DACH2: variants seen among roughly 807,000 people sequenced by gnomAD.
DACH2 encodes the protein dachshund family transcription factor 2.
Under a neutral mutation model 35.8 loss-of-function variants are expected in DACH2, and 17 were observed. The observed-to-expected ratio is 0.48, with a 90% CI of 0.33 to 0.71. The LOEUF is 0.71. DACH2 is among the 30% of genes least tolerant of loss of function. The pLI, the probability that DACH2 is intolerant of heterozygous loss-of-function variation, is 0.02. For synonymous variants in DACH2, 195 were observed against 177.3 expected (o/e 1.10, Z -0.79); for missense variants, 469 against 472.7 (o/e 0.99, Z 0.07).
chrX:86,551,860 T>A (rs189002792), intron 3 of DACH2, among the ~76,000 whole-genome samples: 45 of 111,870 alleles, frequency 4.0e-4, no homozygotes, highest in Non-Finnish European at 8.3e-4. Flanking sequence ...ACTTTGAAGC[T>A]TTCAATGTAT....
intron 1 of DACH2, among the ~76,000 whole-genome samples, chrX:86,171,227 C>T (rs1401070763): frequency 9.1e-6 from 1 of 109,629 alleles, no homozygotes; most frequent in African/African-American, 3.3e-5. Flanking sequence ...TTCCACTCTT[C>T]CCTCTCCTCT....
intron 3 of DACH2, among the ~76,000 whole-genome samples, chrX:86,599,532 C>G (rs2039762935): frequency 2.0e-5 from 1 of 51,240 alleles, no homozygotes; most frequent in East Asian, 6.0e-4. Context: ...GAGTCTCTCT[C>G]TGTCAACCAG....
intron 3 of DACH2, among the ~76,000 whole-genome samples, chrX:86,566,701 C>A (rs1233833506): frequency 9.4e-6 from 1 of 106,268 alleles, no homozygotes; most frequent in Non-Finnish European, 2.0e-5. Context: ...GCAAACTGTT[C>A]TGTACATGCA....
At chrX:86,201,961 C>T (rs1007812307) in intron 1 of DACH2, among the ~76,000 whole-genome samples, 9 of 111,101 alleles carry the variant, frequency 8.1e-5, no homozygotes, top group East Asian at 2.8e-4. Flanking sequence ...GAATTATAAC[C>T]GCCTTACTTG....
intron 5 of DACH2, among the ~76,000 whole-genome samples, chrX:86,705,354 T>G (rs1245205942): frequency 9.1e-6 from 1 of 109,803 alleles, no homozygotes; most frequent in African/African-American, 3.3e-5. Context: ...ACTTCTTGGA[T>G]GATGGGTGCA....
intron 1 of DACH2, among the ~76,000 whole-genome samples, chrX:86,199,422 A>T (rs1325483984): frequency 9.0e-6 from 1 of 111,601 alleles, no homozygotes. Flanking sequence ...CAGAGCAATC[A>T]GGCAAGAGAA....
At chrX:86,697,248 G>A (rs962403023) in intron 5 of DACH2, among the ~76,000 whole-genome samples, 3 of 111,510 alleles carry the variant, frequency 2.7e-5, no homozygotes, top group Non-Finnish European at 5.6e-5. Flanking sequence ...GGGGATTACA[G>A]CTTAAAGAGC....
At chrX:86,509,671 T>C (rs1211444560) in intron 2 of DACH2, among the ~76,000 whole-genome samples, 1 of 111,992 alleles carries the variant, frequency 8.9e-6, no homozygotes, top group Admixed American at 9.5e-5. Flanking sequence ...TTTTTATTAA[T>C]CCACACAGCA....
At chrX:86,703,594 T>C (rs1035496528) in intron 5 of DACH2, among the ~76,000 whole-genome samples, 1 of 111,848 alleles carries the variant, frequency 8.9e-6, no homozygotes, top group African/African-American at 3.2e-5. Context: ...AAAATCAACA[T>C]ACAAAAAAAT....
At chrX:86,177,546 A>G (rs184654447) in intron 1 of DACH2, among the ~76,000 whole-genome samples, 32 of 111,657 alleles carry the variant, frequency 2.9e-4, no homozygotes, top group African/African-American at 9.7e-4. Context: ...TGGCTATCTC[A>G]ATCTTGACTC....
chrX:86,534,138 G>C (rs1005864150), intron 3 of DACH2, among the ~76,000 whole-genome samples: 2 of 111,886 alleles, frequency 1.8e-5, no homozygotes, highest in Non-Finnish European at 3.8e-5. Context: ...TTGGTCACTT[G>C]TCTTTGCAGT....
intron 1 of DACH2, among the ~76,000 whole-genome samples, chrX:86,187,790 G>A (rs2031725983): frequency 9.0e-6 from 1 of 110,795 alleles, no homozygotes; most frequent in Non-Finnish European, 1.9e-5. Flanking sequence ...AGACTATGAA[G>A]GTACCAGAAT....
chrX:86,334,377 A>C (rs1487878247), intron 1 of DACH2, among the ~76,000 whole-genome samples: 1 of 112,072 alleles, frequency 8.9e-6, no homozygotes, highest in East Asian at 2.8e-4. Context: ...TTCCACTAAC[A>C]GTGTAAAAGC....
At chrX:86,302,071 T>C (rs778414464) in intron 1 of DACH2, among the ~76,000 whole-genome samples, 1 of 112,013 alleles carries the variant, frequency 8.9e-6, no homozygotes, top group African/African-American at 3.2e-5. Flanking sequence ...TGTCTTGTAC[T>C]TAATGCATGA....
chrX:86,774,705 T>A (rs1468807255), intron 7 of DACH2, among the ~76,000 whole-genome samples: 1 of 112,061 alleles, frequency 8.9e-6, no homozygotes, highest in Non-Finnish European at 1.9e-5. Flanking sequence ...GTGGAAATGG[T>A]AAGTGGGAGG....
intron 7 of DACH2, among the ~76,000 whole-genome samples, chrX:86,750,408 C>A (rs1280132501): frequency 1.8e-5 from 2 of 111,605 alleles, no homozygotes; most frequent in African/African-American, 6.5e-5. Flanking sequence ...TAAGTAAATT[C>A]TATTTCTATT....
chrX:86,434,504 T>C (rs779584841), intron 2 of DACH2, among the ~76,000 whole-genome samples: 1 of 112,173 alleles, frequency 8.9e-6, no homozygotes, highest in Non-Finnish European at 1.9e-5. Flanking sequence ...TATTCACTTA[T>C]TTTTTAATAC....
intron 5 of DACH2, among the ~76,000 whole-genome samples, chrX:86,709,576 C>T (rs1421981470): frequency 1.8e-5 from 2 of 111,201 alleles, no homozygotes; most frequent in Non-Finnish European, 3.8e-5. Flanking sequence ...ACTTAAAAAC[C>T]GTTCATGACA....
At chrX:86,502,011 T>TCTCCTTCCTTCCTTCCTTCCTTCC (rs1464785461) in intron 2 of DACH2, among the ~76,000 whole-genome samples, 2 of 95,532 alleles carry the variant, frequency 2.1e-5, no homozygotes, top group African/African-American at 7.7e-5. Flanking sequence ...TCTTTCCTTC[T>TCTCCTTCCTTCCTTCCTTCCTTCC]TTCCTTCCTT....
Sources: gnomAD v4.1 joint callset for allele counts (sites outside exome capture counted in the v4.1 genomes callset) on GRCh38, gnomAD v4.1.1 for gene constraint, MANE v1.5 for transcripts, NCBI Gene and HGNC (gene_info 2026-07-23, HGNC 2026-07-21) for gene names.